Variants in NAP1L1 observed in about 807,000 individuals in gnomAD.
NAP1L1 encodes the protein nucleosome assembly protein 1 like 1, also known as nucleosome assembly protein 1-like 1.
Under a neutral mutation model 58.9 loss-of-function variants are expected in NAP1L1, and 9 were observed. The observed-to-expected ratio is 0.15, with a 90% CI of 0.09 to 0.27. The LOEUF (loss-of-function observed/expected upper bound fraction) is 0.27, where lower values mean the gene tolerates loss of function less well. Among genes scored for constraint, NAP1L1 ranks in the 10% least tolerant of loss-of-function variants. NAP1L1 has a pLI of 1.00. For synonymous variants in NAP1L1, 130 were observed against 138.3 expected (o/e 0.94, Z 0.42); for missense variants, 302 against 458.8 (o/e 0.66, Z 3.12).
At chr12:76,053,378 T>C (rs775349281) in intron 9 of NAP1L1, 28 bp from the exon 10 acceptor site, 1 of 1,597,062 alleles carries the variant, frequency 6.3e-7, no homozygotes, top group Non-Finnish European at 8.5e-7. Flanking sequence ...AAAAATCTAT[T>C]ACAATTGACA....
At position 76,044,832 on chromosome 12, in the gene NAP1L1, AC is replaced by A. The variant is rs1223118075; in HGVS notation, c.*3596del. 6.6e-6 allele frequency: 1 copy of A among 152,200 alleles called. No individual in the cohort carries two copies. The highest frequency in any genetic ancestry group is 2.1e-4 in the South Asian group (1 of 4,834). The allele number at this position is 152,200 out of a possible 1,614,324, so 9.4% of individuals were successfully genotyped here. Reference sequence around the variant, plus strand: ...TTGAGTAAAATAATTTCATATACCAACAAGGATGTTTCCATTTCTGTAAAGT... The same window carrying A: ...TTGAGTAAAATAATTTCATATACCAAAAGGATGTTTCCATTTCTGTAAAGT... On this transcript the variant is annotated 3_prime_UTR_variant, in exon 15 of 15. Transcript: ENST00000618691.
rs114795362 is a variant in NAP1L1, at chr12:76,070,288, A to G, written c.18-1294T>C. ...CAGGAGTGCGCCACTGCACCTGGCT[A>G]ATTTCTGTATTTTTAGTAGAGACAG... On this transcript the variant is annotated intron_variant, in intron 2 of 14. Transcript: ENST00000618691. Among the ~76,000 whole-genome samples, 1,481 of 152,200 alleles carry G rather than the reference A, an allele frequency of 9.7e-3. 22 individuals are homozygous for G. The highest frequency in any genetic ancestry group is 0.033 in the African/African-American group (1,371 of 41,516).
At chr12:76,061,622 T>C (rs569513473) in intron 4 of NAP1L1, among the ~76,000 whole-genome samples, 3 of 152,290 alleles carry the variant, frequency 2.0e-5, no homozygotes, top group South Asian at 4.1e-4. Flanking sequence ...TAAAGAATGA[T>C]TAAACCTCTC....
chr12:76,058,084 A>G, intron 6 of NAP1L1: 1 of 761,892 alleles, frequency 1.3e-6, no homozygotes, highest in East Asian at 2.5e-5. Context: ...AAACAGACAG[A>G]AGTAGATGAT....
Position 76,038,170 on chromosome 12 carries a change from C to T in NAP1L1, c.*10259G>A, listed in dbSNP as rs935153432. 2 of 152,158 alleles carry T rather than the reference C, an allele frequency of 1.3e-5. No homozygotes were observed. Among genetic ancestry groups the T allele is most frequent in the Admixed American group, 1.3e-4 (2 of 15,274 alleles). 9.4% of individuals were successfully genotyped at this position (152,158 alleles called of 1,614,324 possible). A position where few individuals can be genotyped will look rare whatever the true frequency, so the allele number is the denominator to read the frequency against. The stretch of plus-strand genomic sequence containing the variant: ...AAGTGTTGATATTCTGGCTCTGGGT[C>T]TCTGGGGTGACAAGATACCCCAGTA... On this transcript the variant is annotated 3_prime_UTR_variant, in exon 15 of 15. Transcript: ENST00000618691.
chr12:76,056,726 C>G (rs1476353474), intron 6 of NAP1L1: 1 of 439,078 alleles, frequency 2.3e-6, no homozygotes, highest in Non-Finnish European at 4.5e-6. Flanking sequence ...AAACTAAAAA[C>G]TGTAAGCCAG....
At chr12:76,071,569 G>C (rs994499922) in intron 2 of NAP1L1, among the ~76,000 whole-genome samples, 1 of 152,148 alleles carries the variant, frequency 6.6e-6, no homozygotes, top group African/African-American at 2.4e-5. Flanking sequence ...ATTTCATTGA[G>C]AGAACTGAAA....
At chr12:76,070,134 T>TGG (rs1174974335) in intron 2 of NAP1L1, among the ~76,000 whole-genome samples, 1 of 140,580 alleles carries the variant, frequency 7.1e-6, no homozygotes, top group African/African-American at 2.6e-5. Context: ...TTTTTTTTTT[T>TGG]GGGAGACAGT....
intron 4 of NAP1L1, among the ~76,000 whole-genome samples, chr12:76,063,665 T>C (rs1397033696): frequency 6.6e-6 from 1 of 151,860 alleles, no homozygotes; most frequent in Admixed American, 6.6e-5. Flanking sequence ...GGCATGGTTG[T>C]GCATGCCTAT....
In NAP1L1 at chr12:76,070,891, CCAGA is replaced by C. The variant is rs1331613144; in HGVS notation, c.18-1901_18-1898del. Among the ~76,000 whole-genome samples, 4 of 152,166 alleles carry C rather than the reference CCAGA, an allele frequency of 2.6e-5. No homozygotes were observed. In the East Asian group the frequency reaches 7.7e-4, roughly 29 times the overall value. On this transcript the variant is annotated intron_variant, in intron 2 of 14. Transcript: ENST00000618691. ...ATGTAAATAGTTGTATTATGCTGGG[CCAGA>C]CAAAGTGGCTCATGCCTACAATCCC...
chr12:76,053,103 C>G lies in NAP1L1; in HGVS notation c.924G>C (p.Glu308Asp). 6.2e-7 allele frequency: 1 copy of G among 1,611,072 alleles called. No individual in the cohort carries two copies. The highest frequency in any genetic ancestry group is 8.5e-7 in the Non-Finnish European group (1 of 1,178,062). ...FNFFAPPEVP[E>D]SGDLDDDAEA... is the part of the protein sequence containing the mutation. ...CAATTCAACTTACCAGATCTCCACT[C>G]TCAGGAACTGCAAAATTGAGAAAAG... is the stretch of plus-strand genomic sequence containing the variant. The change falls in exon 11 of 15, where the codon GAG becomes GAC. Residue 308 changes from glutamate to aspartate, a missense_variant. Coordinates refer to ENST00000618691, the MANE Select transcript of NAP1L1 (RefSeq NM_004537.7).
intron 6 of NAP1L1, chr12:76,057,961 T>C (rs1328841697): frequency 4.1e-6 from 4 of 982,780 alleles, no homozygotes; most frequent in Non-Finnish European, 6.5e-6. Context: ...TGATCTTAAA[T>C]CACACAAAGA....
intron 2 of NAP1L1, chr12:76,073,779 T>G (rs1228024102): frequency 6.5e-6 from 1 of 154,922 alleles, no homozygotes; most frequent in African/African-American, 2.4e-5. Flanking sequence ...CACACAAGGC[T>G]TCTGATAGTA....
chr12:76,084,264 G>A (rs1278927223), intron 1 of NAP1L1, among the ~76,000 whole-genome samples: 1 of 152,150 alleles, frequency 6.6e-6, no homozygotes, highest in Admixed American at 6.5e-5. Context: ...CCGCGGCCTC[G>A]CTCCGGTCCA....
chr12:76,057,525 C>T, intron 6 of NAP1L1: 1 of 740,588 alleles, frequency 1.4e-6, no homozygotes, highest in South Asian at 1.5e-5. Flanking sequence ...GTGCAACTGC[C>T]TGGGTTTGTG....
rs764627687 is a variant in NAP1L1, at chr12:76,055,022, A to T, written c.627T>A (p.Pro209=). 4 of 1,603,316 alleles carry T rather than the reference A, an allele frequency of 2.5e-6. No homozygotes were observed. The South Asian group carries it at 4.5e-5, about 18-fold the overall frequency. The part of the protein sequence containing the change: ...IKVKFSDAGQ[P]MSFVLEFHFE... ...AAATATTTCAAAGTTCTTTTACCATAGGCTGGCCAGCATCTGAGAACTTCA... is the reference window on the plus strand; with the variant it reads ...AAATATTTCAAAGTTCTTTTACCATTGGCTGGCCAGCATCTGAGAACTTCA... The change falls in exon 8 of 15, where the codon CCT becomes CCA. Residue 209 remains proline, a synonymous_variant. Coordinates refer to ENST00000618691, the MANE Select transcript of NAP1L1 (RefSeq NM_004537.7).
intron 5 of NAP1L1, 35 bp from the exon 6 acceptor site, chr12:76,059,913 A>G: frequency 6.7e-7 from 1 of 1,487,238 alleles, no homozygotes; most frequent in Non-Finnish European, 9.2e-7. Context: ...CTGTATAAAA[A>G]CACTGGCATC....
In NAP1L1 at chr12:76,048,484, AG is replaced by A. The variant is rs767894451; in HGVS notation, c.1141-21del. The A allele has an allele frequency of 6.2e-7, 1 of 1,613,526 alleles. No individual in the cohort carries two copies. Among genetic ancestry groups the A allele is most frequent in the Non-Finnish European group, 8.5e-7 (1 of 1,179,506 alleles). ...ATCCTTCTGTTAAAGGAAAACAACA[AG>A]TCAATCTATCTTCTTCTACCTGCTT... On this transcript the variant is annotated intron_variant, in intron 14 of 14. Coordinates refer to ENST00000618691, the MANE Select transcript of NAP1L1 (RefSeq NM_004537.7).
rs1444128079 is a variant in NAP1L1 at position 76,044,317 on chromosome 12, T to A, written c.*4112A>T. ...ACTCTATCTCAAAAATAAAAATAAA[T>A]GGATAAAACATGTAAGAAACTAAAA... On this transcript the variant is annotated 3_prime_UTR_variant, in exon 15 of 15. Transcript: ENST00000618691. 6.6e-6 allele frequency: 1 copy of A among 152,070 alleles called. No homozygotes were observed. The highest frequency in any genetic ancestry group is 1.5e-5 in the Non-Finnish European group (1 of 68,010). The allele number at this position is 152,070 out of a possible 1,614,324, so 9.4% of individuals were successfully genotyped here. A position where few individuals can be genotyped will look rare whatever the true frequency, so the allele number is the denominator to read the frequency against.
Sources: gnomAD v4.1 joint callset for allele counts (sites outside exome capture counted in the v4.1 genomes callset) on GRCh38, gnomAD v4.1.1 for gene constraint, MANE v1.5 for transcripts, NCBI Gene and HGNC (gene_info 2026-07-23, HGNC 2026-07-21) for gene names.